The following USP10 variants were observed in gnomAD, a reference collection of about 807,000 sequenced individuals.
USP10 encodes the protein ubiquitin specific peptidase 10.
A neutral mutation model predicts 84.5 loss-of-function variants in USP10; 22 were observed. That is an observed-to-expected ratio of 0.26 (90% CI 0.19 to 0.37). The LOEUF (loss-of-function observed/expected upper bound fraction) is 0.37. USP10 is among the 10% of genes least tolerant of loss of function. The pLI is 1.00. For missense variants in USP10, 1,019 were observed against 998.9 expected (o/e 1.02, Z -0.27); for synonymous variants, 454 against 387.6 (o/e 1.17, Z -2.01).
chr16:84,775,272 A>C, intron 13 of USP10, 47 bp downstream of exon 13: 1 of 1,582,596 alleles, frequency 6.3e-7, no homozygotes, highest in Non-Finnish European at 8.7e-7. Context: ...ACACTGATGA[A>C]GGGGTTTACA....
chr16:84,707,183 C>G (rs1905642997), intron 1 of USP10, among the ~76,000 whole-genome samples: 1 of 152,162 alleles, frequency 6.6e-6, no homozygotes, highest in Non-Finnish European at 1.5e-5. Flanking sequence ...GACTGGTTTT[C>G]TGGAAGAGAC....
intron 1 of USP10, among the ~76,000 whole-genome samples, chr16:84,724,389 GA>G (rs2150783468): frequency 6.6e-6 from 1 of 152,274 alleles, no homozygotes; most frequent in Non-Finnish European, 1.5e-5. Flanking sequence ...CATACTTTGA[GA>G]GGTAAAATGA....
chr16:84,752,031 T>C (rs190399040), intron 4 of USP10, among the ~76,000 whole-genome samples: 1 of 152,224 alleles, frequency 6.6e-6, no homozygotes, highest in East Asian at 1.9e-4. Context: ...TGTCTTAAAA[T>C]TTGAAAAAAG....
chr16:84,758,983 T>TC (rs937437269), intron 5 of USP10, among the ~76,000 whole-genome samples, 176 bp downstream of exon 5: 44 of 152,310 alleles, frequency 2.9e-4, no homozygotes, highest in African/African-American at 1.0e-3. Flanking sequence ...CTGACCCCAG[T>TC]CCATCTCCCT....
At position 84,733,485 on chromosome 16, in the gene USP10, T is replaced by C. The variant is rs774651498; in HGVS notation, c.72T>C (p.Thr24=). The C allele has an allele frequency of 3.5e-5, 56 of 1,609,986 alleles. No homozygotes were observed. The highest frequency in any genetic ancestry group is 5.5e-5 in the South Asian group (5 of 90,456). Reference sequence around the variant, plus strand: ...ATGAATTCAATCAATTCTTTGTGACTCCTCGATCTTCAGTTGAGGTAAGAC... The same window carrying C: ...ATGAATTCAATCAATTCTTTGTGACCCCTCGATCTTCAGTTGAGGTAAGAC... ...SPDEFNQFFV[T]PRSSVELPPY... The change falls in exon 2 of 14, where the codon ACT becomes ACC. Residue 24 remains threonine (T), a synonymous_variant. Transcript: ENST00000219473.
chr16:84,719,453 G>C (rs1907500618), intron 1 of USP10, among the ~76,000 whole-genome samples: 1 of 152,178 alleles, frequency 6.6e-6, no homozygotes, highest in Non-Finnish European at 1.5e-5. Context: ...ATGAGGCCTG[G>C]ACTCCACCCT....
At chr16:84,734,886 A>G (rs771511122) in intron 2 of USP10, among the ~76,000 whole-genome samples, 27 of 152,144 alleles carry the variant, frequency 1.8e-4, no homozygotes, top group Middle Eastern at 3.4e-3. Context: ...CTCACCATTC[A>G]TTGGGAACTC....
At chr16:84,700,352 C>A (rs1440215506) in intron 1 of USP10, among the ~76,000 whole-genome samples, 3 of 151,936 alleles carry the variant, frequency 2.0e-5, no homozygotes, top group African/African-American at 4.8e-5. Context: ...GGCTCCGGGC[C>A]CCGCTTGGGG....
At chr16:84,735,196 GGTGTGTGTGTGTGTGTGTGT>G (rs34240400) in intron 2 of USP10, among the ~76,000 whole-genome samples, 5 of 146,264 alleles carry the variant, frequency 3.4e-5, no homozygotes, top group East Asian at 2.0e-4. Context: ...AGGCCCGGGT[GGTGTGTGTGTGTGTGTGTGT>G]GTGTGTGTGT....
chr16:84,704,251 C>T (rs528358674), intron 1 of USP10, among the ~76,000 whole-genome samples: 5 of 152,314 alleles, frequency 3.3e-5, no homozygotes, highest in African/African-American at 4.8e-5. Flanking sequence ...GCACATTAAA[C>T]GTGGTTGCTG....
chr16:84,731,209 G>C (rs1909182666), intron 1 of USP10, among the ~76,000 whole-genome samples: 1 of 151,436 alleles, frequency 6.6e-6, no homozygotes, highest in African/African-American at 2.4e-5. Context: ...TCGATCTTCT[G>C]ACCTCATGAT....
chr16:84,707,402 TA>T (rs1208636434), intron 1 of USP10, among the ~76,000 whole-genome samples: 3 of 152,230 alleles, frequency 2.0e-5, no homozygotes, highest in Non-Finnish European at 4.4e-5. Context: ...AAAGACATGC[TA>T]TTTTTAAGAC....
intron 1 of USP10, among the ~76,000 whole-genome samples, chr16:84,714,792 G>C (rs1417896208): frequency 4.6e-5 from 7 of 151,740 alleles, no homozygotes; most frequent in Admixed American, 4.6e-4. Context: ...GAGATATTTT[G>C]CTAAGGGATA....
At position 84,715,496 on chromosome 16, in the gene USP10, A is replaced by C. The variant is rs113749916; in HGVS notation, c.21+15385A>C. Among the ~76,000 whole-genome samples the C allele has an allele frequency of 3.9e-3, 595 of 152,346 alleles. 4 individuals carry two copies. Among genetic ancestry groups the C allele is most frequent in the African/African-American group, 0.013 (553 of 41,578 alleles). ...AGAAGGAATAGGATCTCCGCCTCCC[A>C]AAGTGCTGGGATTACAGGCATGAGC... On this transcript the variant is annotated intron_variant, in intron 1 of 13. Coordinates refer to ENST00000219473, the MANE Select transcript of USP10 (RefSeq NM_005153.3).
At chr16:84,711,627 C>T (rs541787769) in intron 1 of USP10, among the ~76,000 whole-genome samples, 146 of 151,858 alleles carry the variant, frequency 9.6e-4, no homozygotes, top group African/African-American at 3.2e-3. Context: ...CTTTGCTCTT[C>T]TGTGCCACAA....
At chr16:84,722,147 A>G (rs1907896292) in intron 1 of USP10, among the ~76,000 whole-genome samples, 1 of 152,254 alleles carries the variant, frequency 6.6e-6, no homozygotes, top group South Asian at 2.1e-4. Flanking sequence ...TTCTGTCACT[A>G]TAGGCTAAGA....
intron 4 of USP10, among the ~76,000 whole-genome samples, chr16:84,746,391 G>A (rs537129240): frequency 2.0e-5 from 3 of 152,290 alleles, no homozygotes; most frequent in South Asian, 4.1e-4. Context: ...CGAGATGTGC[G>A]TGTTAACATC....
chr16:84,716,310 C>G (rs1430587351), intron 1 of USP10: 1 of 152,204 alleles, frequency 6.6e-6, no homozygotes, highest in East Asian at 1.9e-4. Context: ...TGTTCCTTAA[C>G]TGTTAATGTG....
intron 4 of USP10, 53 bp downstream of exon 4, chr16:84,745,726 A>G (rs1018836931): frequency 1.3e-6 from 2 of 1,531,126 alleles, no homozygotes; most frequent in South Asian, 2.5e-5. Flanking sequence ...GACCTCATCA[A>G]CTGGGCTTAT....
Sources: gnomAD v4.1 joint callset for allele counts (sites outside exome capture counted in the v4.1 genomes callset) on GRCh38, gnomAD v4.1.1 for gene constraint, MANE v1.5 for transcripts, NCBI Gene and HGNC (gene_info 2026-07-23, HGNC 2026-07-21) for gene names.